The following MAK variants were observed in gnomAD, a reference collection of about 807,000 sequenced individuals.
MAK encodes serine/threonine-protein kinase MAK.
MAK carries 65 observed loss-of-function variants against 82.6 expected under a neutral mutation model. That is an observed-to-expected ratio of 0.79 (90% CI 0.64 to 0.97). The LOEUF is 0.97. Among genes scored for constraint, MAK ranks in the 50% least tolerant of loss-of-function variants. The probability of loss-of-function intolerance (pLI) is 0.00; values close to 1 mark genes in which losing one functional copy is unlikely to be tolerated. For synonymous variants in MAK, 250 were observed against 274.2 expected (o/e 0.91, Z 0.87); for missense variants, 703 against 780.2 (o/e 0.90, Z 1.18).
intron 10 of MAK, among the ~76,000 whole-genome samples, chr6:10,786,481 A>G (rs879231813): frequency 7.1e-5 from 9 of 126,634 alleles, no homozygotes; most frequent in African/African-American, 2.7e-4. Context: ...TCACCACTCC[A>G]CTAATGCACC....
chr6:10,787,686 G>T (rs924444225), intron 10 of MAK, among the ~76,000 whole-genome samples: 1 of 151,838 alleles, frequency 6.6e-6, no homozygotes, highest in African/African-American at 2.4e-5. Flanking sequence ...GTGAAACCCT[G>T]TCTCTACTAA....
Position 10,801,990 on chromosome 6 carries a change from T to C in MAK, c.733A>G (p.Asn245Asp). 6.2e-7 allele frequency: 1 copy of C among 1,614,098 alleles called. No homozygotes were observed. The highest frequency in any genetic ancestry group is 1.7e-5 in the Admixed American group (1 of 60,012). ...NFRFPQCVPI[N>D]LKTLIPNASN... ...GCATTGGGAATAAGAGTTTTTAAGT[T>C]TATAGGAACACACTGGGGAAAACGG... is the stretch of plus-strand genomic sequence containing the variant. The change falls in exon 8 of 15, where the codon AAC becomes GAC. Residue 245 changes from asparagine (N) to aspartate (D), a missense_variant. By Grantham distance (23) the Asn-to-Asp change is conservative. Transcript: ENST00000354489.
chr6:10,787,231 C>T (rs116796444), intron 10 of MAK, among the ~76,000 whole-genome samples: 1,819 of 151,964 alleles, frequency 0.012, 35 homozygotes, highest in African/African-American at 0.042. Flanking sequence ...TTCACCAATT[C>T]ACCTCCTATT....
chr6:10,775,298 G>A (rs768665318), intron 12 of MAK, 30 bp downstream of exon 12: 18 of 1,608,834 alleles, frequency 1.1e-5, no homozygotes, highest in Middle Eastern at 1.7e-4. Context: ...GGAAAACCCC[G>A]TACATGTACA....
intron 11 of MAK, among the ~76,000 whole-genome samples, chr6:10,780,460 T>G (rs985500676): frequency 2.7e-5 from 4 of 149,924 alleles, no homozygotes; most frequent in African/African-American, 9.8e-5. Flanking sequence ...CTGGTTTTTT[T>G]TTTTTTTTTT....
At chr6:10,770,757 A>G (rs886873058) in intron 13 of MAK, among the ~76,000 whole-genome samples, 19 of 152,276 alleles carry the variant, frequency 1.2e-4, no homozygotes, top group Non-Finnish European at 2.5e-4. Context: ...ATCATTATCA[A>G]CACCATCATC....
At chr6:10,797,502 AAG>A in intron 8 of MAK, 1 of 746,632 alleles carries the variant, frequency 1.3e-6, no homozygotes, top group Non-Finnish European at 1.6e-6. Context: ...CCCCACAGCA[AAG>A]AGTTATCTGG....
In MAK at chr6:10,764,214, G is replaced by A; in HGVS notation, c.*238C>T. On this transcript the variant is annotated 3_prime_UTR_variant, in exon 15 of 15. Transcript: ENST00000354489. Reference sequence around the variant, plus strand: ...CAAATACTTCATACTTTGGCAAATAGTTTATTCAATACTTTGTAACATCCT... The same window carrying A: ...CAAATACTTCATACTTTGGCAAATAATTTATTCAATACTTTGTAACATCCT... 2.1e-6 allele frequency: 1 copy of A among 479,886 alleles called. No homozygotes were observed. The highest frequency in any genetic ancestry group is 3.1e-5 in the South Asian group (1 of 31,908). 29.7% of individuals were successfully genotyped at this position (479,886 alleles called of 1,614,324 possible). A position where few individuals can be genotyped will look rare whatever the true frequency, so the allele number is the denominator to read the frequency against.
At chr6:10,767,371 T>TCTA (rs1326764353) in intron 14 of MAK, among the ~76,000 whole-genome samples, 2 of 152,132 alleles carry the variant, frequency 1.3e-5, no homozygotes, top group Non-Finnish European at 2.9e-5. Flanking sequence ...ATCCTGCACT[T>TCTA]CTAAAGTGAT....
intron 8 of MAK, among the ~76,000 whole-genome samples, chr6:10,797,319 C>T (rs1775647297): frequency 6.6e-6 from 1 of 152,180 alleles, no homozygotes; most frequent in Admixed American, 6.5e-5. Context: ...GTATGGGTGG[C>T]ACCATCTAAT....
chr6:10,785,581 C>T (rs78698183), intron 10 of MAK, among the ~76,000 whole-genome samples: 1,757 of 152,340 alleles, frequency 0.012, 33 homozygotes, highest in African/African-American at 0.04. Context: ...GGCACAGGTG[C>T]GTCTGCTTCA....
At chr6:10,775,042 T>C (rs1773346361) in intron 12 of MAK, among the ~76,000 whole-genome samples, 1 of 152,176 alleles carries the variant, frequency 6.6e-6, no homozygotes. Context: ...GATCTCGAAC[T>C]CCTAGGCTCA....
intron 1 of MAK, among the ~76,000 whole-genome samples, chr6:10,833,940 G>GTC (rs934186072): frequency 3.9e-5 from 6 of 152,106 alleles, no homozygotes; most frequent in African/African-American, 1.4e-4. Flanking sequence ...GAGAAAGGCA[G>GTC]TCTCTCTCTC....
At chr6:10,822,832 A>G (rs1778064136) in intron 2 of MAK, among the ~76,000 whole-genome samples, 1 of 152,172 alleles carries the variant, frequency 6.6e-6, no homozygotes, top group Non-Finnish European at 1.5e-5. Flanking sequence ...GGCTTAATAG[A>G]TATTTATTAA....
chr6:10,784,315 G>T, intron 11 of MAK, 109 bp downstream of exon 11: 1 of 1,127,840 alleles, frequency 8.9e-7, no homozygotes, highest in Non-Finnish European at 1.3e-6. Context: ...AGAGCTCTGT[G>T]ATTAGATTTT....
At chr6:10,777,356 G>A (rs1773548759) in intron 11 of MAK, among the ~76,000 whole-genome samples, 1 of 151,196 alleles carries the variant, frequency 6.6e-6, no homozygotes, top group Admixed American at 6.6e-5. Flanking sequence ...AAGTTGCAAT[G>A]AGCTGAGACT....
At chr6:10,783,611 C>T (rs943232287) in intron 11 of MAK, among the ~76,000 whole-genome samples, 5 of 152,184 alleles carry the variant, frequency 3.3e-5, no homozygotes, top group Non-Finnish European at 7.3e-5. Flanking sequence ...ACTCTGGAAC[C>T]AGCCATTTAC....
At chr6:10,817,680 C>T (rs1777596279) in intron 4 of MAK, among the ~76,000 whole-genome samples, 170 bp downstream of exon 4, 1 of 152,188 alleles carries the variant, frequency 6.6e-6, no homozygotes, top group South Asian at 2.1e-4. Context: ...GGCTATGTCA[C>T]AGCTGGTTCT....
intron 11 of MAK, among the ~76,000 whole-genome samples, chr6:10,783,875 CA>C (rs1774255046): frequency 6.6e-6 from 1 of 152,056 alleles, no homozygotes; most frequent in Non-Finnish European, 1.5e-5. Flanking sequence ...AAAAATTAGC[CA>C]GGCGTGGTGG....
Sources: gnomAD v4.1 joint callset for allele counts (sites outside exome capture counted in the v4.1 genomes callset) on GRCh38, gnomAD v4.1.1 for gene constraint, MANE v1.5 for transcripts, NCBI Gene and HGNC (gene_info 2026-07-23, HGNC 2026-07-21) for gene names.